Variants in SUMF1 observed in about 807,000 individuals in gnomAD.
The protein encoded by SUMF1 is formylglycine-generating enzyme.
In SUMF1, 48 loss-of-function variants were observed where a neutral mutation model predicts 47.6. The ratio of observed to expected loss-of-function variants is 1.01; its 90% CI spans 0.80 to 1.28. SUMF1 has a LOEUF of 1.28. Among genes scored for constraint, SUMF1 ranks in the 50% most tolerant of loss-of-function variants. The pLI, the probability that SUMF1 is intolerant of heterozygous loss-of-function variation, is 0.00. For missense variants in SUMF1, 571 were observed against 485.4 expected, an observed-to-expected ratio of 1.18 and a Z score of -1.66; for synonymous variants, 230 against 192.1, an observed-to-expected ratio of 1.20 and a Z score of -1.63.
chr3:4,183,993 G>A (rs1574959515), intron 8 of SUMF1, among the ~76,000 whole-genome samples: 1 of 151,902 alleles, frequency 6.6e-6, no homozygotes, highest in Admixed American at 6.6e-5. Flanking sequence ...AAATTAGTCG[G>A]GCATTGTGGC....
intron 8 of SUMF1, among the ~76,000 whole-genome samples, chr3:4,330,891 C>A (rs13094144): frequency 0.17 from 25,381 of 152,088 alleles, 2,249 homozygotes; most frequent in African/African-American, 0.23. Flanking sequence ...TTCCATAAGT[C>A]TTTTTATAAC....
At chr3:4,090,745 A>G (rs909627686) in intron 8 of SUMF1, among the ~76,000 whole-genome samples, 2 of 152,048 alleles carry the variant, frequency 1.3e-5, no homozygotes, top group Admixed American at 1.3e-4. Context: ...TACTACAACC[A>G]CTGTCACTCA....
chr3:4,088,949 G>A lies in SUMF1; in HGVS notation c.1015-20204C>T, dbSNP rs116362158. Among the ~76,000 whole-genome samples the A allele has an allele frequency of 2.3e-3, 345 of 152,160 alleles. 1 individual carries two copies. Among genetic ancestry groups the A allele is most frequent in the Non-Finnish European group, 3.8e-3 (260 of 67,996 alleles). ...TGGACAAATGAATGTAGCAATCTAG[G>A]TGGGATGAAAAAGAATAATTTAAGT... On this transcript the variant is annotated intron_variant and NMD_transcript_variant, in intron 8 of 12. Coordinates refer to the SUMF1 transcript ENST00000448413.
chr3:4,059,818 A>T (rs1695248663), intron 9 of SUMF1, among the ~76,000 whole-genome samples: 1 of 149,244 alleles, frequency 6.7e-6, no homozygotes, highest in African/African-American at 2.4e-5. Context: ...AAAAACCTTG[A>T]GCTGAGATCT....
At chr3:4,099,287 G>T (rs1258593004) in intron 8 of SUMF1, among the ~76,000 whole-genome samples, 3 of 152,104 alleles carry the variant, frequency 2.0e-5, no homozygotes, top group African/African-American at 4.8e-5. Context: ...TTATCCCTGG[G>T]AGGCAAGTTT....
At chr3:4,203,782 A>T (rs1695591306) in intron 8 of SUMF1, among the ~76,000 whole-genome samples, 1 of 151,546 alleles carries the variant, frequency 6.6e-6, no homozygotes, top group South Asian at 2.1e-4. Flanking sequence ...TGAGGTTACC[A>T]TGAGGCTTGA....
intron 8 of SUMF1, among the ~76,000 whole-genome samples, chr3:4,270,760 A>G (rs1383234266): frequency 6.6e-6 from 1 of 152,190 alleles, no homozygotes; most frequent in Non-Finnish European, 1.5e-5. Flanking sequence ...TTGCCAAGCA[A>G]AAAAGTTAGG....
intron 8 of SUMF1, among the ~76,000 whole-genome samples, chr3:4,078,466 G>A (rs1324774535): frequency 1.3e-5 from 2 of 152,090 alleles, no homozygotes; most frequent in African/African-American, 4.8e-5. Context: ...CCACAATTTA[G>A]AGTTCTTTCT....
chr3:4,389,619 C>T (rs764243804), intron 7 of SUMF1, among the ~76,000 whole-genome samples: 10 of 152,146 alleles, frequency 6.6e-5, no homozygotes, highest in South Asian at 2.1e-4. Context: ...GTTATAATCA[C>T]GTAGATCCTT....
At chr3:4,307,487 T>A (rs907028393) in intron 8 of SUMF1, among the ~76,000 whole-genome samples, 1 of 152,234 alleles carries the variant, frequency 6.6e-6, no homozygotes, top group Non-Finnish European at 1.5e-5. Context: ...GTTCATGCTA[T>A]TAACAGTAAA....
intron 8 of SUMF1, among the ~76,000 whole-genome samples, chr3:4,120,600 T>G (rs1292661159): frequency 6.6e-6 from 1 of 152,062 alleles, no homozygotes; most frequent in East Asian, 1.9e-4. Context: ...GCCAAACAGC[T>G]GGCCTAAGAA....
intron 8 of SUMF1, among the ~76,000 whole-genome samples, chr3:4,319,996 G>A (rs1331130978): frequency 1.3e-5 from 2 of 152,188 alleles, no homozygotes; most frequent in African/African-American, 4.8e-5. Context: ...AGAGTTTGAG[G>A]AGAGGGAGGA....
At chr3:4,184,152 A>AG (rs1180177475) in intron 8 of SUMF1, among the ~76,000 whole-genome samples, 1 of 151,646 alleles carries the variant, frequency 6.6e-6, no homozygotes, top group African/African-American at 2.4e-5. Context: ...AATTAAAAAA[A>AG]AAAAAGAAAA....
chr3:4,318,196 A>T (rs1698736384), intron 8 of SUMF1, among the ~76,000 whole-genome samples: 1 of 152,090 alleles, frequency 6.6e-6, no homozygotes. Context: ...ACAGAGGCAA[A>T]AAAAAAAAGT....
At chr3:4,154,639 G>T (rs1255206800) in intron 8 of SUMF1, among the ~76,000 whole-genome samples, 1 of 151,330 alleles carries the variant, frequency 6.6e-6, no homozygotes, top group Non-Finnish European at 1.5e-5. Context: ...CCCAAACCTG[G>T]GCTCTTTTGA....
chr3:4,368,945 A>C (rs947713514), intron 8 of SUMF1, among the ~76,000 whole-genome samples: 2 of 152,166 alleles, frequency 1.3e-5, no homozygotes, highest in Non-Finnish European at 2.9e-5. Context: ...GTCCCTGCAA[A>C]CTGGTTAAAG....
chr3:4,343,526 A>T (rs1045206959), intron 8 of SUMF1, among the ~76,000 whole-genome samples: 5 of 152,270 alleles, frequency 3.3e-5, no homozygotes, highest in Non-Finnish European at 7.3e-5. Flanking sequence ...CACAGAAAGC[A>T]GAGAATGCTC....
At chr3:4,322,157 A>T (rs968365244) in intron 8 of SUMF1, among the ~76,000 whole-genome samples, 2 of 152,160 alleles carry the variant, frequency 1.3e-5, no homozygotes, top group African/African-American at 4.8e-5. Flanking sequence ...AAGACATGAT[A>T]TGTAACTGTA....
intron 3 of SUMF1, among the ~76,000 whole-genome samples, chr3:4,435,706 T>C (rs555557553): frequency 1.2e-4 from 18 of 152,290 alleles, no homozygotes; most frequent in African/African-American, 4.3e-4. Flanking sequence ...TCAGCAATCA[T>C]GTAGACCAGA....
Sources: gnomAD v4.1 joint callset for allele counts (sites outside exome capture counted in the v4.1 genomes callset) on GRCh38, gnomAD v4.1.1 for gene constraint, MANE v1.5 for transcripts, NCBI Gene and HGNC (gene_info 2026-07-23, HGNC 2026-07-21) for gene names.